NEK4: variants seen among roughly 807,000 people sequenced by gnomAD.
NEK4 encodes the protein NIMA related kinase 4.
In NEK4, 86 loss-of-function variants were observed where a neutral mutation model predicts 98.4. The ratio of observed to expected loss-of-function variants is 0.87; its 90% CI spans 0.73 to 1.05. NEK4 has a LOEUF of 1.05. Among genes scored for constraint, NEK4 ranks in the 50% least tolerant of loss-of-function variants. The pLI, the probability that NEK4 is intolerant of heterozygous loss-of-function variation, is 0.00. For missense variants in NEK4, 898 were observed against 950.3 expected (o/e 0.94, Z 0.72); for synonymous variants, 328 against 342.2 (o/e 0.96, Z 0.46).
intron 15 of NEK4, chr3:52,732,644 A>G: frequency 3.0e-6 from 1 of 331,346 alleles, no homozygotes; most frequent in Non-Finnish European, 6.1e-6. Context: ...GAGTGGAAAT[A>G]ACTGGACCCT....
chr3:52,768,544 G>C lies in NEK4; in HGVS notation c.154C>G (p.Gln52Glu), dbSNP rs1209727669. 6.2e-7 allele frequency: 1 copy of C among 1,614,096 alleles called. No individual in the cohort carries two copies. The highest frequency in any genetic ancestry group is 8.5e-7 in the Non-Finnish European group (1 of 1,180,034). ...AACTGAGACAAGAGCTGGGCTTCCT[G>C]TTCAGCAGCTCGCCGCTCTCGGCTA... ...ASSRERRAAE[Q>E]EAQLLSQLKH... Residue 52 changes from glutamine to glutamate, a missense_variant, in exon 2 of 16, where the codon CAG (glutamine) becomes GAG (glutamate). Coordinates refer to ENST00000233027, the MANE Select transcript of NEK4 (RefSeq NM_003157.6).
chr3:52,737,546 TATAAC>T (rs1367960415), intron 15 of NEK4, 35 bp downstream of exon 15: 2 of 1,606,124 alleles, frequency 1.2e-6, no homozygotes, highest in South Asian at 2.2e-5. Flanking sequence ...TAAAAAATTC[TATAAC>T]ATAAGCATCT....
At position 52,709,700 on chromosome 3, in the gene NEK4, C is replaced by CAAAAAAAAAAAAAAA. The variant is rs374943793; in HGVS notation, c.*2062_*2076dup. 1.5e-5 allele frequency: 1 copy of CAAAAAAAAAAAAAAA among 65,380 alleles called. No homozygotes were observed. Among genetic ancestry groups the CAAAAAAAAAAAAAAA allele is most frequent in the Non-Finnish European group, 2.8e-5 (1 of 35,846 alleles). 4.0% of individuals were successfully genotyped at this position (65,380 alleles called of 1,614,324 possible). A position where few individuals can be genotyped will look rare whatever the true frequency, so the allele number is the denominator to read the frequency against. ...TGGGTGACAGAGCAAGACCCTGTCTCAAAAAAAAAAAAAAAAAAAAAAGAT... is the reference window on the plus strand; with the variant it reads ...TGGGTGACAGAGCAAGACCCTGTCTCAAAAAAAAAAAAAAAAAAAAAAAAAAAAAAAAAAAAAGAT... On this transcript the variant is annotated 3_prime_UTR_variant, in exon 16 of 16. Coordinates refer to ENST00000233027, the MANE Select transcript of NEK4 (RefSeq NM_003157.6).
chr3:52,734,188 T>C (rs1207809090), intron 15 of NEK4, among the ~76,000 whole-genome samples: 1 of 152,126 alleles, frequency 6.6e-6, no homozygotes, highest in Admixed American at 6.5e-5. Context: ...GGCTCATGCC[T>C]GTAATCCCAG....
chr3:52,751,801 A>G, intron 7 of NEK4, 131 bp downstream of exon 7: 1 of 911,420 alleles, frequency 1.1e-6, no homozygotes, highest in East Asian at 2.4e-5. Flanking sequence ...TTTGATGCAA[A>G]TATTCTTCTA....
chr3:52,753,506 C>G (rs2097409266), intron 6 of NEK4: 1 of 439,668 alleles, frequency 2.3e-6, no homozygotes. Context: ...TACTGAATTT[C>G]TTTGTTTGGA....
At chr3:52,726,008 T>G (rs1201132628) in intron 15 of NEK4, among the ~76,000 whole-genome samples, 1 of 151,918 alleles carries the variant, frequency 6.6e-6, no homozygotes, top group African/African-American at 2.4e-5. Flanking sequence ...AAATTGCAAT[T>G]AAAAATTTTG....
chr3:52,764,867 A>G (rs923923101), intron 4 of NEK4, among the ~76,000 whole-genome samples: 2 of 152,032 alleles, frequency 1.3e-5, no homozygotes, highest in African/African-American at 4.8e-5. Context: ...TTTGCTAGCA[A>G]TGGTCATCTT....
intron 7 of NEK4, among the ~76,000 whole-genome samples, chr3:52,750,945 A>G (rs1442483398): frequency 6.6e-6 from 1 of 152,144 alleles, no homozygotes; most frequent in South Asian, 2.1e-4. Context: ...AAAAAATGAA[A>G]TTTTTTTAAA....
chr3:52,742,261 G>T (rs1277781919), intron 12 of NEK4, among the ~76,000 whole-genome samples: 1 of 151,566 alleles, frequency 6.6e-6, no homozygotes, highest in Non-Finnish European at 1.5e-5. Context: ...TTGGATACAG[G>T]GGTGTCACTA....
At position 52,737,669 on chromosome 3, in the gene NEK4, T is replaced by C. The variant is rs907947419; in HGVS notation, c.2350A>G (p.Thr784Ala). The change falls in exon 15 of 16, where the codon ACT (threonine) becomes GCT (alanine). Residue 784 changes from threonine (T) to alanine (A), a missense_variant. By Grantham distance (58) the Thr-to-Ala change is moderately conservative. Transcript: ENST00000233027. ...ACTCCCAGGCCACGAATTACATCAG[T>C]TCTCAAGACTTCAACTAGTCTCCTG... ...KIRRLVEVLR[T>A]DVIRGLGVQL... 2.5e-6 allele frequency: 4 copies of C among 1,613,948 alleles called. No individual in the cohort carries two copies. The highest frequency in any genetic ancestry group is 1.3e-5 in the African/African-American group (1 of 75,032).
chr3:52,717,220 C>T (rs1225057550), intron 15 of NEK4, among the ~76,000 whole-genome samples: 3 of 151,934 alleles, frequency 2.0e-5, no homozygotes, highest in Non-Finnish European at 4.4e-5. Flanking sequence ...CCAGCCTGGC[C>T]AACATGGTGA....
intron 2 of NEK4, among the ~76,000 whole-genome samples, chr3:52,766,811 C>A (rs917903062): frequency 2.6e-5 from 4 of 151,680 alleles, no homozygotes; most frequent in Non-Finnish European, 4.4e-5. Context: ...AAGGTGAAAC[C>A]CCGTCTCTAC....
rs1457995371 is a variant in NEK4 at position 52,752,414 on chromosome 3, G to T, written c.964-78C>A. On this transcript the variant is annotated intron_variant, in intron 6 of 15. Coordinates refer to ENST00000233027, the MANE Select transcript of NEK4 (RefSeq NM_003157.6). ...AAATCAACTCAAAATGCAACAAGAG[G>T]TTCCTCAAAAAGTTAAACATAGAAT... 5 of 1,396,728 alleles carry T rather than the reference G, an allele frequency of 3.6e-6. No homozygotes were observed. The East Asian group carries it at 9.2e-5, about 26-fold the overall frequency. The allele number at this position is 1,396,728 out of a possible 1,614,324, so 86.5% of individuals were successfully genotyped here.
intron 15 of NEK4, among the ~76,000 whole-genome samples, chr3:52,719,148 A>G (rs1336887166): frequency 6.6e-6 from 1 of 152,228 alleles, no homozygotes; most frequent in Non-Finnish European, 1.5e-5. Flanking sequence ...TAAGCTTTGG[A>G]ATAAAAAGTC....
intron 15 of NEK4, among the ~76,000 whole-genome samples, chr3:52,721,375 C>T (rs939018187): frequency 6.6e-6 from 1 of 152,190 alleles, no homozygotes; most frequent in African/African-American, 2.4e-5. Context: ...GCCTTTATTT[C>T]TCCCCACTTT....
chr3:52,765,963 T>C lies in NEK4; in HGVS notation c.590A>G (p.Tyr197Cys), dbSNP rs1698542032. Reference protein sequence around the residue: ...SDVWALGCCVYEMATLKHAFN... With the variant: ...SDVWALGCCVCEMATLKHAFN... ...AGCATGCTTCAAGGTGGCCATTTCA[T>C]AGACACAGCATCCTAGAGCCCAAAC... The change falls in exon 4 of 16, where the codon TAT (tyrosine) becomes TGT (cysteine). Residue 197 changes from tyrosine (Y) to cysteine (C), a missense_variant. Physicochemically the swap from Tyr to Cys is radical, Grantham distance 194. Coordinates refer to ENST00000233027, the MANE Select transcript of NEK4 (RefSeq NM_003157.6). The C allele has an allele frequency of 6.2e-7, 1 of 1,612,460 alleles. No homozygotes were observed. Among genetic ancestry groups the C allele is most frequent in the Non-Finnish European group, 8.5e-7 (1 of 1,178,508 alleles).
chr3:52,743,165 T>G, intron 12 of NEK4, 187 bp downstream of exon 12: 3 of 522,488 alleles, frequency 5.7e-6, no homozygotes, highest in Non-Finnish European at 1.0e-5. Context: ...AAAAATTTAT[T>G]CCCTTAATGG....
At chr3:52,716,832 T>G (rs1465110039) in intron 15 of NEK4, among the ~76,000 whole-genome samples, 1 of 152,226 alleles carries the variant, frequency 6.6e-6, no homozygotes, top group Non-Finnish European at 1.5e-5. Flanking sequence ...GTCAGTGGTA[T>G]GCGAATCATG....
Sources: gnomAD v4.1 joint callset for allele counts (sites outside exome capture counted in the v4.1 genomes callset) on GRCh38, gnomAD v4.1.1 for gene constraint, MANE v1.5 for transcripts, NCBI Gene and HGNC (gene_info 2026-07-23, HGNC 2026-07-21) for gene names.